The following MIGA1 variants were observed in gnomAD, a reference collection of about 807,000 sequenced individuals.
MIGA1 encodes mitoguardin 1.
In MIGA1, 58 loss-of-function variants were observed where a neutral mutation model predicts 82.0. The observed-to-expected ratio is 0.71, with a 90% CI of 0.57 to 0.88. The LOEUF (loss-of-function observed/expected upper bound fraction) is 0.88. MIGA1 is among the 40% of genes least tolerant of loss of function. The pLI is 0.00. For synonymous variants in MIGA1, 249 were observed against 253.6 expected, an observed-to-expected ratio of 0.98 and a Z score of 0.17; for missense variants, 751 against 749.1, an observed-to-expected ratio of 1.00 and a Z score of -0.03.
At chr1:77,862,401 C>T (rs575535806) in intron 12 of MIGA1, among the ~76,000 whole-genome samples, 12 of 150,324 alleles carry the variant, frequency 8.0e-5, no homozygotes, top group Non-Finnish European at 1.6e-4. Context: ...GAGTCAAGAT[C>T]GCGCCACTGT....
intron 4 of MIGA1, among the ~76,000 whole-genome samples, chr1:77,803,711 A>G (rs1354936819): frequency 1.3e-5 from 2 of 152,162 alleles, no homozygotes; most frequent in East Asian, 1.9e-4. Flanking sequence ...AATTAAAACA[A>G]TTGAACTTAT....
chr1:77,781,747 G>A (rs992860336), intron 1 of MIGA1, among the ~76,000 whole-genome samples: 1 of 152,122 alleles, frequency 6.6e-6, no homozygotes, highest in South Asian at 2.1e-4. Context: ...ACACTGGTAG[G>A]GGGGATTAAG....
chr1:77,837,277 G>A (rs1360993739), intron 7 of MIGA1, among the ~76,000 whole-genome samples: 1 of 151,770 alleles, frequency 6.6e-6, no homozygotes, highest in South Asian at 2.1e-4. Flanking sequence ...CTTTTTTGTT[G>A]CTAAGTCTTC....
chr1:77,850,481 T>C (rs1370242856), intron 8 of MIGA1, among the ~76,000 whole-genome samples: 4 of 152,184 alleles, frequency 2.6e-5, no homozygotes, highest in African/African-American at 9.7e-5. Context: ...TTTATAATTT[T>C]AGGTGATTGA....
Position 77,802,730 on chromosome 1 carries a change from A to G in MIGA1, c.374-540A>G, listed in dbSNP as rs115280828. Among the ~76,000 whole-genome samples, 1,237 of 152,142 alleles carry G rather than the reference A, an allele frequency of 8.1e-3. 9 individuals carry two copies. The highest frequency in any genetic ancestry group is 0.028 in the African/African-American group (1,172 of 41,498). ...CAGGACGTCAGTGCTGCAGTGAGAC[A>G]TGATTGCACCACTGCACTCCAGCCA... On this transcript the variant is annotated intron_variant, in intron 3 of 15. Coordinates refer to ENST00000370791, the MANE Select transcript of MIGA1 (RefSeq NM_198549.4).
chr1:77,864,232 T>C (rs574690509), intron 13 of MIGA1, among the ~76,000 whole-genome samples: 1 of 149,034 alleles, frequency 6.7e-6, no homozygotes, highest in Non-Finnish European at 1.5e-5. Flanking sequence ...TAGCTGGGCA[T>C]GGTAGCGGGC....
In MIGA1 at chr1:77,853,824, T is replaced by G. The variant is rs979781996; in HGVS notation, c.997-5114T>G. On this transcript the variant is annotated intron_variant, in intron 8 of 15. Transcript: ENST00000370791. ...GGCTCTAAAGGAAAGAGTGGAGAGA[T>G]TCAACCAGTTAGCATGAAAGTTGGA... is the stretch of plus-strand genomic sequence containing the variant. The G allele has an allele frequency of 1.7e-5, 4 of 241,644 alleles. No homozygotes were observed. The South Asian group carries it at 2.4e-4, about 15-fold the overall frequency. The allele number at this position is 241,644 out of a possible 1,614,324, so 15.0% of individuals were successfully genotyped here.
At chr1:77,782,481 T>A (rs909881492) in intron 1 of MIGA1, among the ~76,000 whole-genome samples, 23 of 152,138 alleles carry the variant, frequency 1.5e-4, no homozygotes, top group African/African-American at 5.6e-4. Context: ...GTAAAGTGAT[T>A]TATGCATCAA....
chr1:77,877,257 A>G lies in MIGA1; in HGVS notation c.*2193A>G, dbSNP rs538340511. ...TCTTTTAAGATTTGTAATTTTCTGT[A>G]TGTGCCACATTTATGTAAATTAACT... is the stretch of plus-strand genomic sequence containing the variant. On this transcript the variant is annotated 3_prime_UTR_variant, in exon 16 of 16. Coordinates refer to ENST00000370791, the MANE Select transcript of MIGA1 (RefSeq NM_198549.4). 6 of 152,242 alleles carry G rather than the reference A, an allele frequency of 3.9e-5. No homozygotes were observed. The highest frequency in any genetic ancestry group is 1.9e-4 in the East Asian group (1 of 5,206). The allele number at this position is 152,242 out of a possible 1,614,324, so 9.4% of individuals were successfully genotyped here. A position where few individuals can be genotyped will look rare whatever the true frequency, so the allele number is the denominator to read the frequency against.
intron 6 of MIGA1, among the ~76,000 whole-genome samples, chr1:77,814,441 A>T (rs762018528): frequency 5.3e-5 from 8 of 151,936 alleles, no homozygotes; most frequent in Admixed American, 4.6e-4. Context: ...GTTGGAGTAC[A>T]GTGGTTGTTC....
At chr1:77,851,870 TTC>T (rs1685064342) in intron 8 of MIGA1, among the ~76,000 whole-genome samples, 1 of 84,164 alleles carries the variant, frequency 1.2e-5, no homozygotes, top group Non-Finnish European at 3.0e-5. Context: ...CAGTTTAGTT[TTC>T]TTTCTTTTTT....
At chr1:77,858,148 A>C (rs1030590432) in intron 8 of MIGA1, among the ~76,000 whole-genome samples, 1 of 152,106 alleles carries the variant, frequency 6.6e-6, no homozygotes, top group Non-Finnish European at 1.5e-5. Flanking sequence ...CCAGTTCGAG[A>C]CCAGCCTGGC....
chr1:77,844,143 G>GATAT (rs1557924430), intron 8 of MIGA1, among the ~76,000 whole-genome samples: 4 of 107,734 alleles, frequency 3.7e-5, no homozygotes, highest in African/African-American at 1.7e-4. Flanking sequence ...TATATAGATA[G>GATAT]ATAGATAGAT....
intron 14 of MIGA1, among the ~76,000 whole-genome samples, chr1:77,869,064 G>T (rs1177183561): frequency 6.6e-6 from 1 of 151,762 alleles, no homozygotes; most frequent in African/African-American, 2.4e-5. Context: ...AAGGTCTCTG[G>T]TTTTCCTAGG....
chr1:77,781,124 G>A (rs1681896110), intron 1 of MIGA1, among the ~76,000 whole-genome samples: 2 of 151,914 alleles, frequency 1.3e-5, no homozygotes, highest in Admixed American at 6.6e-5. Flanking sequence ...GGCCAGGCTG[G>A]TCTTGAACTC....
intron 7 of MIGA1, among the ~76,000 whole-genome samples, chr1:77,826,523 T>C (rs1322852737): frequency 6.6e-6 from 1 of 152,174 alleles, no homozygotes; most frequent in African/African-American, 2.4e-5. Flanking sequence ...TTGCTTGGGC[T>C]AGAATTCAAT....
At chr1:77,845,417 T>G (rs1391082215) in intron 8 of MIGA1, among the ~76,000 whole-genome samples, 2 of 152,038 alleles carry the variant, frequency 1.3e-5, no homozygotes, top group Non-Finnish European at 2.9e-5. Context: ...TGCTCTAAAG[T>G]TTTTTTTCTA....
At chr1:77,832,944 G>T (rs1324144751) in intron 7 of MIGA1, among the ~76,000 whole-genome samples, 1 of 152,178 alleles carries the variant, frequency 6.6e-6, no homozygotes, top group Non-Finnish European at 1.5e-5. Context: ...TAGAGATTTT[G>T]CCAGCTTAGT....
At chr1:77,862,523 C>A (rs575250688) in intron 12 of MIGA1, among the ~76,000 whole-genome samples, 36 of 152,222 alleles carry the variant, frequency 2.4e-4, no homozygotes, top group South Asian at 6.2e-4. Flanking sequence ...GAGGCTGAGA[C>A]GGGCAGATCG....
Sources: gnomAD v4.1 joint callset for allele counts (sites outside exome capture counted in the v4.1 genomes callset) on GRCh38, gnomAD v4.1.1 for gene constraint, MANE v1.5 for transcripts, NCBI Gene and HGNC (gene_info 2026-07-23, HGNC 2026-07-21) for gene names.